Variants in NR3C2 observed in about 807,000 individuals in gnomAD.
The protein encoded by NR3C2 is mineralocorticoid receptor.
In NR3C2, 15 loss-of-function variants were observed where a neutral mutation model predicts 86.4. That is an observed-to-expected ratio of 0.17 (90% CI 0.12 to 0.27). The LOEUF (loss-of-function observed/expected upper bound fraction) is 0.27, where lower values mean the gene tolerates loss of function less well. NR3C2 is among the 10% of genes least tolerant of loss of function. NR3C2 has a pLI of 1.00. For synonymous variants in NR3C2, 458 were observed against 450.5 expected (o/e 1.02, Z -0.21); for missense variants, 960 against 1,195.6 (o/e 0.80, Z 2.91).
At chr4:148,397,583 TTGA>T in intron 2 of NR3C2, among the ~76,000 whole-genome samples, 1 of 152,222 alleles carries the variant, frequency 6.6e-6, no homozygotes, top group East Asian at 1.9e-4. Flanking sequence ...TTCATTTTAC[TTGA>T]TAGCATTCTC....
At chr4:148,170,694 T>C (rs1735087653) in intron 4 of NR3C2, among the ~76,000 whole-genome samples, 1 of 152,184 alleles carries the variant, frequency 6.6e-6, no homozygotes, top group African/African-American at 2.4e-5. Flanking sequence ...TCCATAAATA[T>C]GTCATGGGTA....
intron 2 of NR3C2, 89 bp downstream of exon 2, chr4:148,435,013 ATG>A: frequency 8.2e-7 from 1 of 1,226,188 alleles, no homozygotes; most frequent in Non-Finnish European, 1.2e-6. Context: ...GTAATCTGAA[ATG>A]TGTTTAAATT....
At position 148,260,044 on chromosome 4, in the gene NR3C2, A is replaced by C. The variant is rs1370522690; in HGVS notation, c.1831T>G (p.Ser611Ala). 6.2e-7 allele frequency: 1 copy of C among 1,614,168 alleles called. No individual in the cohort carries two copies. The highest frequency in any genetic ancestry group is 1.7e-5 in the Admixed American group (1 of 60,004). The change falls in exon 3 of 9, where the codon TCA (serine) becomes GCA (alanine). Residue 611 changes from serine (S) to alanine (A), a missense_variant. Coordinates refer to ENST00000358102, the MANE Select transcript of NR3C2 (RefSeq NM_000901.5). ...GTGACTACCCCATAATGGCATCCTG[A>C]AGCCTCATCCCCACACACCAAACAT... ...KICLVCGDEA[S>A]GCHYGVVTCG... is the part of the protein sequence containing the mutation.
intron 2 of NR3C2, among the ~76,000 whole-genome samples, chr4:148,306,785 T>C (rs1179335499): frequency 6.6e-6 from 1 of 152,220 alleles, no homozygotes; most frequent in Non-Finnish European, 1.5e-5. Context: ...AATTTCACCC[T>C]ATAAATATGC....
chr4:148,334,028 A>G (rs896431069), intron 2 of NR3C2, among the ~76,000 whole-genome samples: 2 of 152,222 alleles, frequency 1.3e-5, no homozygotes, highest in African/African-American at 4.8e-5. Context: ...TGTGAAGTTG[A>G]AATAACTTTG....
intron 2 of NR3C2, 54 bp from the exon 3 acceptor site, chr4:148,260,171 T>A: frequency 6.2e-7 from 1 of 1,608,770 alleles, no homozygotes; most frequent in Non-Finnish European, 8.5e-7. Flanking sequence ...ACATTTAACA[T>A]GCTGCACAGC....
At chr4:148,389,488 G>C (rs1747430274) in intron 2 of NR3C2, among the ~76,000 whole-genome samples, 1 of 152,020 alleles carries the variant, frequency 6.6e-6, no homozygotes, top group Non-Finnish European at 1.5e-5. Flanking sequence ...AAAACATACT[G>C]AGTTTTTTGT....
chr4:148,212,849 G>A (rs1737346446), intron 3 of NR3C2, among the ~76,000 whole-genome samples: 1 of 152,174 alleles, frequency 6.6e-6, no homozygotes, highest in Non-Finnish European at 1.5e-5. Context: ...GACCTACTAT[G>A]TGATAGGCAT....
At chr4:148,440,260 T>A (rs1284511494) in intron 1 of NR3C2, among the ~76,000 whole-genome samples, 2 of 152,248 alleles carry the variant, frequency 1.3e-5, no homozygotes, top group Non-Finnish European at 2.9e-5. Flanking sequence ...TTTTAATTAG[T>A]CTTTTCTGTA....
intron 2 of NR3C2, among the ~76,000 whole-genome samples, chr4:148,296,584 T>G (rs1175667352): frequency 2.2e-5 from 3 of 139,206 alleles, no homozygotes; most frequent in Non-Finnish European, 4.7e-5. Context: ...TCTGACCAAT[T>G]AAAAAAAAAA....
At chr4:148,274,829 G>A (rs1740883713) in intron 2 of NR3C2, among the ~76,000 whole-genome samples, 1 of 151,304 alleles carries the variant, frequency 6.6e-6, no homozygotes, top group Non-Finnish European at 1.5e-5. Flanking sequence ...TCCTGAGAAG[G>A]TGGGATTACA....
chr4:148,378,101 T>C lies in NR3C2; in HGVS notation c.1757+57003A>G, dbSNP rs577433540. Among the ~76,000 whole-genome samples the C allele has an allele frequency of 2.6e-5, 4 of 152,276 alleles. No homozygotes were observed. The East Asian group carries it at 5.8e-4, about 22-fold the overall frequency. On this transcript the variant is annotated intron_variant, in intron 2 of 8. Transcript: ENST00000358102. ...CCTTCACATGAGCCATAGAGGTTGTTATAGGAATATCAATGAGTATGAACC... is the reference window on the plus strand; with the variant it reads ...CCTTCACATGAGCCATAGAGGTTGTCATAGGAATATCAATGAGTATGAACC...
intron 2 of NR3C2, among the ~76,000 whole-genome samples, chr4:148,334,035 T>C (rs558558565): frequency 5.9e-5 from 9 of 152,194 alleles, no homozygotes; most frequent in Non-Finnish European, 1.3e-4. Flanking sequence ...TTGAAATAAC[T>C]TTGGAGAATA....
intron 4 of NR3C2, among the ~76,000 whole-genome samples, chr4:148,178,947 A>AC (rs200411862): frequency 1.3e-5 from 2 of 148,340 alleles, no homozygotes; most frequent in Non-Finnish European, 3.0e-5. Context: ...AAAAAAAAAA[A>AC]CAAAAAAAAA....
intron 3 of NR3C2, among the ~76,000 whole-genome samples, chr4:148,196,027 C>T (rs1001272671): frequency 6.6e-6 from 1 of 152,048 alleles, no homozygotes; most frequent in African/African-American, 2.4e-5. Context: ...CTGCAGTGGA[C>T]TAAGGACAGA....
chr4:148,377,846 G>A (rs1292375009), intron 2 of NR3C2, among the ~76,000 whole-genome samples: 3 of 152,114 alleles, frequency 2.0e-5, no homozygotes, highest in East Asian at 1.9e-4. Context: ...AGATCTTCTC[G>A]GGGATATAAG....
intron 1 of NR3C2, among the ~76,000 whole-genome samples, chr4:148,440,777 CA>C (rs1750299834): frequency 6.6e-6 from 1 of 152,162 alleles, no homozygotes; most frequent in Admixed American, 6.5e-5. Flanking sequence ...TGCCCTTTTC[CA>C]TAAAGAAGTA....
rs572891260 is a variant in NR3C2 at position 148,369,255 on chromosome 4, A to T, written c.1757+65849T>A. Among the ~76,000 whole-genome samples, 6 of 152,342 alleles carry T rather than the reference A, an allele frequency of 3.9e-5. No homozygotes were observed. The South Asian group carries it at 1.2e-3, about 32-fold the overall frequency. ...ATTAGCGATTTTTTATGGCTTCAAA[A>T]TGCTTGTTACAAATTGACAAAATGA... On this transcript the variant is annotated intron_variant, in intron 2 of 8. Transcript: ENST00000358102.
chr4:148,176,319 G>A (rs889256018), intron 4 of NR3C2, among the ~76,000 whole-genome samples: 9 of 152,202 alleles, frequency 5.9e-5, no homozygotes, highest in African/African-American at 2.2e-4. Flanking sequence ...TATAACTGAG[G>A]TGGTCTGCAG....
Sources: gnomAD v4.1 joint callset for allele counts (sites outside exome capture counted in the v4.1 genomes callset) on GRCh38, gnomAD v4.1.1 for gene constraint, MANE v1.5 for transcripts, NCBI Gene and HGNC (gene_info 2026-07-23, HGNC 2026-07-21) for gene names.